Variants in AKAP6 observed in about 807,000 individuals in gnomAD.
The protein encoded by AKAP6 is A-kinase anchor protein 6.
In AKAP6, 58 loss-of-function variants were observed where a neutral mutation model predicts 188.5. The ratio of observed to expected loss-of-function variants is 0.31; its 90% CI spans 0.25 to 0.38. The LOEUF is 0.38. AKAP6 is among the 10% of genes least tolerant of loss of function. The probability of loss-of-function intolerance (pLI) is 1.00; values close to 1 mark genes in which losing one functional copy is unlikely to be tolerated. For synonymous variants in AKAP6, 989 were observed against 998.6 expected (o/e 0.99, Z 0.18); for missense variants, 2,710 against 2,740.0 (o/e 0.99, Z 0.24).
At chr14:32,340,038 T>C (rs1232632786) in intron 1 of AKAP6, among the ~76,000 whole-genome samples, 1 of 151,774 alleles carries the variant, frequency 6.6e-6, no homozygotes, top group African/African-American at 2.4e-5. Context: ...AGAATGCCTT[T>C]TTCTTTAAAA....
intron 7 of AKAP6, among the ~76,000 whole-genome samples, chr14:32,621,778 C>T (rs1436584352): frequency 1.3e-5 from 2 of 151,866 alleles, no homozygotes; most frequent in South Asian, 2.1e-4. Flanking sequence ...TTGAAGTCAC[C>T]CACTATTATT....
chr14:32,709,158 A>G (rs1594869395), intron 9 of AKAP6, among the ~76,000 whole-genome samples: 1 of 152,070 alleles, frequency 6.6e-6, no homozygotes, highest in South Asian at 2.1e-4. Flanking sequence ...TAAAGTATGG[A>G]AACACTGTCA....
intron 12 of AKAP6, among the ~76,000 whole-genome samples, chr14:32,774,279 G>C (rs982177367): frequency 6.6e-6 from 1 of 152,200 alleles, no homozygotes; most frequent in African/African-American, 2.4e-5. Context: ...TTGCTAGAAA[G>C]TAGCTTAGTA....
intron 1 of AKAP6, among the ~76,000 whole-genome samples, chr14:32,379,804 C>T (rs1342502919): frequency 6.6e-6 from 1 of 152,156 alleles, no homozygotes; most frequent in Non-Finnish European, 1.5e-5. Context: ...ATCTAGCTTC[C>T]ATCTAGCCTG....
chr14:32,453,636 G>A (rs8005914), intron 2 of AKAP6, among the ~76,000 whole-genome samples: 1 of 116,572 alleles, frequency 8.6e-6, no homozygotes, highest in African/African-American at 3.2e-5. Flanking sequence ...TCGTTCTGTC[G>A]CCCAGGCGGG....
chr14:32,696,392 T>C (rs1050010309), intron 9 of AKAP6, among the ~76,000 whole-genome samples: 1 of 152,202 alleles, frequency 6.6e-6, no homozygotes, highest in African/African-American at 2.4e-5. Context: ...TGAAACTGCA[T>C]TCATAAATAG....
At chr14:32,608,702 G>A (rs150208936) in intron 7 of AKAP6, among the ~76,000 whole-genome samples, 2 of 152,162 alleles carry the variant, frequency 1.3e-5, no homozygotes, top group Non-Finnish European at 2.9e-5. Context: ...CCTAATCTCT[G>A]AATCTGCAAT....
intron 5 of AKAP6, among the ~76,000 whole-genome samples, chr14:32,577,920 G>A (rs1334460609): frequency 6.6e-6 from 1 of 152,130 alleles, no homozygotes; most frequent in Non-Finnish European, 1.5e-5. Context: ...AATTATGAAG[G>A]GGTGGAAACT....
intron 2 of AKAP6, chr14:32,484,297 G>T: frequency 8.1e-6 from 1 of 123,276 alleles, no homozygotes; most frequent in Non-Finnish European, 1.2e-5. Context: ...TTATATTAAT[G>T]ATTGTTGTAA....
At chr14:32,465,651 G>A (rs1566519528) in intron 2 of AKAP6, among the ~76,000 whole-genome samples, 1 of 151,360 alleles carries the variant, frequency 6.6e-6, no homozygotes, top group East Asian at 1.9e-4. Context: ...GAAAACCTAG[G>A]CATTCAGAAC....
intron 4 of AKAP6, among the ~76,000 whole-genome samples, chr14:32,548,486 T>C (rs1883303069): frequency 6.6e-6 from 1 of 151,650 alleles, no homozygotes; most frequent in African/African-American, 2.4e-5. Flanking sequence ...TTTACAGAGA[T>C]GGAAACAGCC....
intron 7 of AKAP6, among the ~76,000 whole-genome samples, chr14:32,618,346 C>T (rs1335453617): frequency 6.6e-6 from 1 of 152,154 alleles, no homozygotes; most frequent in East Asian, 1.9e-4. Flanking sequence ...TCTCCTTCGT[C>T]CTACCCTCCC....
intron 12 of AKAP6, among the ~76,000 whole-genome samples, chr14:32,800,153 CAT>C (rs145137650): frequency 1.0e-4 from 12 of 117,668 alleles, no homozygotes; most frequent in African/African-American, 3.4e-4. Flanking sequence ...CACATATATA[CAT>C]ATATATACAC....
intron 1 of AKAP6, among the ~76,000 whole-genome samples, chr14:32,423,515 C>T (rs2138673293): frequency 6.6e-6 from 1 of 152,212 alleles, no homozygotes; most frequent in East Asian, 1.9e-4. Context: ...TTGTAGAATA[C>T]TTATTAACAC....
chr14:32,635,640 C>G (rs1887451916), intron 7 of AKAP6, among the ~76,000 whole-genome samples: 1 of 151,908 alleles, frequency 6.6e-6, no homozygotes, highest in Admixed American at 6.6e-5. Context: ...TAAAAATAGA[C>G]AGTGGATATG....
chr14:32,675,011 C>CT (rs2139626105), intron 7 of AKAP6, among the ~76,000 whole-genome samples: 1 of 152,238 alleles, frequency 6.6e-6, no homozygotes, highest in African/African-American at 2.4e-5. Context: ...GAAAACTGAT[C>CT]TTTTTTCTCT....
At chr14:32,479,431 C>A (rs910203988) in intron 2 of AKAP6, among the ~76,000 whole-genome samples, 4 of 152,010 alleles carry the variant, frequency 2.6e-5, no homozygotes, top group Non-Finnish European at 5.9e-5. Context: ...TTTACTTTTT[C>A]TAATTATTTA....
At chr14:32,766,245 T>A (rs905554337) in intron 11 of AKAP6, among the ~76,000 whole-genome samples, 16 of 152,164 alleles carry the variant, frequency 1.1e-4, no homozygotes, top group Admixed American at 9.2e-4. Context: ...TGCATTTTTT[T>A]AATCCACTCA....
chr14:32,724,897 T>C (rs908091993), intron 9 of AKAP6, among the ~76,000 whole-genome samples: 3 of 147,272 alleles, frequency 2.0e-5, no homozygotes, highest in Admixed American at 1.4e-4. Flanking sequence ...AACCAATAGA[T>C]CCGTGGGGCT....
Sources: gnomAD v4.1 joint callset for allele counts (sites outside exome capture counted in the v4.1 genomes callset) on GRCh38, gnomAD v4.1.1 for gene constraint, MANE v1.5 for transcripts, NCBI Gene and HGNC (gene_info 2026-07-23, HGNC 2026-07-21) for gene names.